The following ANKDD1B variants were observed in gnomAD, a reference collection of about 807,000 sequenced individuals.
ANKDD1B encodes ankyrin repeat and death domain containing 1B.
Under a neutral mutation model 59.7 loss-of-function variants are expected in ANKDD1B, and 57 were observed. That is an observed-to-expected ratio of 0.95 (90% CI 0.77 to 1.19). ANKDD1B has a LOEUF of 1.19. Among genes scored for constraint, ANKDD1B ranks in the 50% most tolerant of loss-of-function variants. ANKDD1B has a pLI of 0.00. For missense variants in ANKDD1B, 602 were observed against 641.9 expected, an observed-to-expected ratio of 0.94 and a Z score of 0.67; for synonymous variants, 216 against 239.5, an observed-to-expected ratio of 0.90 and a Z score of 0.91.
At position 75,620,365 on chromosome 5, in the gene ANKDD1B, A is replaced by G; in HGVS notation, c.348A>G (p.Ala116=). Residue 116 remains alanine, a synonymous_variant, in exon 3 of 14, where the codon GCA becomes GCG. Transcript: ENST00000601380. The stretch of plus-strand genomic sequence containing the variant: ...CAGTGGGGAGAAATCATTTATCTGC[A>G]GTGGATTTCTTGCTTAAACACAAGG... ...HFAVGRNHLS[A]VDFLLKHKAR... is the part of the protein sequence containing the mutation. 6.5e-7 allele frequency: 1 copy of G among 1,535,608 alleles called. No individual in the cohort carries two copies. The highest frequency in any genetic ancestry group is 1.2e-5 in the South Asian group (1 of 84,042).
chr5:75,644,906 C>T (rs1774597752), intron 7 of ANKDD1B, among the ~76,000 whole-genome samples: 1 of 110,932 alleles, frequency 9.0e-6, no homozygotes, highest in Non-Finnish European at 1.6e-5. Flanking sequence ...ATCTCTCAGA[C>T]CACAGTGCAA....
intron 6 of ANKDD1B, 38 bp from the exon 7 acceptor site, chr5:75,635,746 G>A: frequency 7.4e-7 from 1 of 1,343,028 alleles, no homozygotes; most frequent in Non-Finnish European, 1.0e-6. Flanking sequence ...TGCTCTCCTG[G>A]CACAGGGGTT....
chr5:75,635,974 T>A, intron 7 of ANKDD1B, 92 bp downstream of exon 7: 1 of 745,530 alleles, frequency 1.3e-6, no homozygotes, highest in Non-Finnish European at 2.2e-6. Context: ...AAAACAAAGG[T>A]GTTAGTGCCA....
chr5:75,628,948 A>G (rs1581134943), intron 5 of ANKDD1B, among the ~76,000 whole-genome samples: 1 of 152,364 alleles, frequency 6.6e-6, no homozygotes, highest in East Asian at 1.9e-4. Flanking sequence ...GAAAGGCCTC[A>G]CACGCCATTC....
At chr5:75,635,684 C>A in intron 6 of ANKDD1B, 100 bp from the exon 7 acceptor site, 1 of 712,056 alleles carries the variant, frequency 1.4e-6, no homozygotes, top group Non-Finnish European at 2.2e-6. Flanking sequence ...CAGCTTTAAC[C>A]AAAATGAAAA....
intron 9 of ANKDD1B, among the ~76,000 whole-genome samples, chr5:75,656,411 A>G (rs1260433964): frequency 6.6e-6 from 1 of 152,206 alleles, no homozygotes; most frequent in African/African-American, 2.4e-5. Context: ...CTCAGAGCTA[A>G]ATGGCCAGAG....
At chr5:75,619,077 A>C (rs1773784215) in intron 2 of ANKDD1B, among the ~76,000 whole-genome samples, 1 of 152,190 alleles carries the variant, frequency 6.6e-6, no homozygotes, top group Non-Finnish European at 1.5e-5. Flanking sequence ...TTATTTTATC[A>C]CTGGTTTAGC....
chr5:75,660,164 T>G (rs550739002), intron 10 of ANKDD1B, among the ~76,000 whole-genome samples: 1 of 152,368 alleles, frequency 6.6e-6, no homozygotes, highest in African/African-American at 2.4e-5. Flanking sequence ...TCAGTATGGT[T>G]AAGCATATTC....
At chr5:75,649,928 T>C (rs1194992841) in intron 7 of ANKDD1B, among the ~76,000 whole-genome samples, 2 of 152,238 alleles carry the variant, frequency 1.3e-5, no homozygotes, top group African/African-American at 4.8e-5. Flanking sequence ...CAGTGTTGTT[T>C]ACCAACATAT....
intron 3 of ANKDD1B, among the ~76,000 whole-genome samples, chr5:75,624,372 A>AT (rs550537707): frequency 8.7e-4 from 132 of 152,144 alleles, no homozygotes; most frequent in Non-Finnish European, 1.6e-3. Context: ...GTGCAGATGC[A>AT]TTTTTTTGCT....
chr5:75,613,417 G>A (rs1343645534), intron 1 of ANKDD1B, among the ~76,000 whole-genome samples: 1 of 152,182 alleles, frequency 6.6e-6, no homozygotes, highest in African/African-American at 2.4e-5. Context: ...AAAGATAAAA[G>A]GGGATGGGAT....
rs1236273485 is a variant in ANKDD1B, at chr5:75,611,664, A to AGGGGCCAC, written c.33_40dup (p.Ala14GlyfsTer87). On this transcript the variant is annotated frameshift_variant, in exon 1 of 14. Transcript: ENST00000601380. LOFTEE classifies it high-confidence loss of function. ...ACCCCGCCGGGCGCGCCCGGGGCCA[A>AGGGGCCAC]GGGGCCACGGCAGGGGGGCTGCTGC... 3 of 1,231,500 alleles carry AGGGGCCAC rather than the reference A, an allele frequency of 2.4e-6. No homozygotes were observed. The East Asian group carries it at 9.5e-5, about 39-fold the overall frequency. The allele number at this position is 1,231,500 out of a possible 1,614,324, so 76.3% of individuals were successfully genotyped here.
At chr5:75,620,653 T>C (rs1773824266) in intron 3 of ANKDD1B, among the ~76,000 whole-genome samples, 1 of 152,226 alleles carries the variant, frequency 6.6e-6, no homozygotes, top group Admixed American at 6.5e-5. Context: ...ATTGACTTTA[T>C]GGCCAATAGC....
chr5:75,617,500 T>G (rs1164420566), intron 2 of ANKDD1B, among the ~76,000 whole-genome samples: 1 of 152,238 alleles, frequency 6.6e-6, no homozygotes, highest in East Asian at 1.9e-4. Flanking sequence ...CTTTACTGCT[T>G]GCTTTTGTGA....
At chr5:75,664,037 A>G (rs1775237377) in intron 11 of ANKDD1B, among the ~76,000 whole-genome samples, 1 of 152,216 alleles carries the variant, frequency 6.6e-6, no homozygotes, top group South Asian at 2.1e-4. Context: ...CAGCTTCTCA[A>G]TAGACTGCCC....
In ANKDD1B at chr5:75,625,764, C is replaced by A. The variant is rs1183937869; in HGVS notation, c.495+19C>A. The A allele has an allele frequency of 7.8e-6, 12 of 1,534,626 alleles. No homozygotes were observed. Among genetic ancestry groups the A allele is most frequent in the Non-Finnish European group, 1.0e-5 (12 of 1,145,380 alleles). The stretch of plus-strand genomic sequence containing the variant: ...GAATCAGGTAGGTATGTGGGTCACA[C>A]CTGGACAAAAGCTCTTACCTCACCA... On this transcript the variant is annotated intron_variant, in intron 4 of 13. Coordinates refer to ENST00000601380, the MANE Select transcript of ANKDD1B (RefSeq NM_001276713.2).
chr5:75,622,416 A>G (rs150123354), intron 3 of ANKDD1B, among the ~76,000 whole-genome samples: 2 of 152,262 alleles, frequency 1.3e-5, no homozygotes, highest in East Asian at 1.9e-4. Context: ...CCTACAGTCT[A>G]TCTGGGGAGC....
intron 7 of ANKDD1B, among the ~76,000 whole-genome samples, chr5:75,638,728 C>T (rs1278437890): frequency 2.0e-5 from 3 of 152,154 alleles, no homozygotes; most frequent in Non-Finnish European, 4.4e-5. Context: ...AAGTGATCTT[C>T]CCATCTCAGC....
chr5:75,618,218 A>G lies in ANKDD1B; in HGVS notation c.297+1311A>G, dbSNP rs142619443. Among the ~76,000 whole-genome samples, 1,176 of 152,324 alleles carry G rather than the reference A, an allele frequency of 7.7e-3. 9 individuals are homozygous for G. The highest frequency in any genetic ancestry group is 0.013 in the Admixed American group (199 of 15,298). Reference sequence around the variant, plus strand: ...AAGTCTCTTTGAAGGGAATATTTGTATAGTTTCAAAAATATTTGTGGATAG... The same window carrying G: ...AAGTCTCTTTGAAGGGAATATTTGTGTAGTTTCAAAAATATTTGTGGATAG... On this transcript the variant is annotated intron_variant, in intron 2 of 13. Coordinates refer to ENST00000601380, the MANE Select transcript of ANKDD1B (RefSeq NM_001276713.2).
Sources: allele counts gnomAD v4.1 joint callset (sites outside exome capture counted in the v4.1 genomes callset), GRCh38; gene constraint gnomAD v4.1.1; transcripts MANE v1.5; gene names NCBI Gene and HGNC (gene_info 2026-07-23, HGNC 2026-07-21).